The following SCAMP4 variants were observed in gnomAD, a reference collection of about 807,000 sequenced individuals.
SCAMP4 encodes secretory carrier membrane protein 4, also known as secretory carrier-associated membrane protein 4.
A neutral mutation model predicts 32.1 loss-of-function variants in SCAMP4; 19 were observed. The observed-to-expected ratio is 0.59, with a 90% CI of 0.41 to 0.87. SCAMP4 has a LOEUF of 0.87. Ranked by LOEUF, SCAMP4 falls within the 40% of genes least tolerant of loss-of-function variation. The pLI is 0.00. For missense variants in SCAMP4, 302 were observed against 309.0 expected, an observed-to-expected ratio of 0.98 and a Z score of 0.17; for synonymous variants, 152 against 132.7, an observed-to-expected ratio of 1.15 and a Z score of -1.00.
chr19:1,921,056 G>GC (rs1225727496), intron 5 of SCAMP4: 28 of 985,310 alleles, frequency 2.8e-5, no homozygotes, highest in Non-Finnish European at 3.4e-5. Flanking sequence ...GGAGAGCCCG[G>GC]CCCCCCTTGT....
chr19:1,918,449 T>C (rs2013808611), intron 4 of SCAMP4, among the ~76,000 whole-genome samples, 166 bp downstream of exon 4: 1 of 152,204 alleles, frequency 6.6e-6, no homozygotes, highest in South Asian at 2.1e-4. Context: ...AGCCAACTAC[T>C]GTCTGTTTTG....
At chr19:1,916,090 T>C (rs925866525) in intron 2 of SCAMP4, among the ~76,000 whole-genome samples, 1 of 151,570 alleles carries the variant, frequency 6.6e-6, no homozygotes, top group African/African-American at 2.4e-5. Flanking sequence ...CTAAAAATAT[T>C]AGCTGGGCAT....
At chr19:1,919,481 C>T (rs1024389690) in intron 5 of SCAMP4, 23 of 979,452 alleles carry the variant, frequency 2.3e-5, no homozygotes, top group Admixed American at 6.2e-5. Flanking sequence ...TAAATTTCTG[C>T]CTTTTTTCTT....
At chr19:1,917,986 G>A in intron 3 of SCAMP4, 141 bp from the exon 4 acceptor site, 1 of 1,354,746 alleles carries the variant, frequency 7.4e-7, no homozygotes, top group South Asian at 1.3e-5. Flanking sequence ...AGGCCCCAGT[G>A]TCTTGGCTTG....
At chr19:1,916,354 G>A (rs1407179816) in intron 2 of SCAMP4, among the ~76,000 whole-genome samples, 1 of 152,228 alleles carries the variant, frequency 6.6e-6, no homozygotes, top group Non-Finnish European at 1.5e-5. Context: ...CTGCTTGAGA[G>A]AGGCAGGAAG....
intron 1 of SCAMP4, chr19:1,911,983 C>G (rs1401669654): frequency 4.2e-6 from 6 of 1,411,958 alleles, no homozygotes; most frequent in Non-Finnish European, 5.5e-6. Context: ...CACGCCCTGC[C>G]TTGTGGAGCC....
chr19:1,912,209 G>A, intron 1 of SCAMP4: 1 of 1,590,992 alleles, frequency 6.3e-7, no homozygotes, highest in Non-Finnish European at 8.5e-7. Flanking sequence ...AGCAGTCAGG[G>A]GACGTGGAGC....
In SCAMP4 at chr19:1,924,666, C is replaced by T. The variant is rs1027067893; in HGVS notation, c.*382C>T. 4.2e-5 allele frequency: 11 copies of T among 264,640 alleles called. No homozygotes were observed. The highest frequency in any genetic ancestry group is 7.8e-5 in the East Asian group (1 of 12,764). 16.4% of individuals were successfully genotyped at this position (264,640 alleles called of 1,614,324 possible). ...CCTCCCGTCCTCCCAGAGCTGCTGG[C>T]GCTGAGGTCAGAGCGGGTCTGATGG... On this transcript the variant is annotated 3_prime_UTR_variant, in exon 7 of 7. Transcript: ENST00000316097.
Position 1,918,262 on chromosome 19 carries a change from G to A in SCAMP4, c.272G>A (p.Arg91Gln), listed in dbSNP as rs766830264. 25 of 1,606,098 alleles carry A rather than the reference G, an allele frequency of 1.6e-5. No homozygotes were observed. The East Asian group carries it at 1.8e-4, about 11-fold the overall frequency. Residue 91 changes from arginine to glutamine, a missense_variant, in exon 4 of 7, where the codon CGG (arginine) becomes CAG (glutamine). Arg to Gln is a conservative substitution (Grantham distance 43). Transcript: ENST00000316097. ...CCTTGCGGCTACGTGTGCTGGTTCC[G>A]GCCTGTCTACAAGGCCTTCCGGTGA... Reference protein sequence around the residue: ...FTPCGYVCWFRPVYKAFRADS... With the variant: ...FTPCGYVCWFQPVYKAFRADS...
At chr19:1,907,353 T>TC (rs1258505391) in intron 1 of SCAMP4, among the ~76,000 whole-genome samples, 12 of 133,724 alleles carry the variant, frequency 9.0e-5, no homozygotes, top group Admixed American at 7.0e-4. Context: ...GGCCCCTCCA[T>TC]CCCCCCATTT....
chr19:1,924,504 TG>T lies in SCAMP4; in HGVS notation c.*222del. The T allele has an allele frequency of 1.7e-6, 1 of 576,378 alleles. No individual in the cohort carries two copies. Among genetic ancestry groups the T allele is most frequent in the Non-Finnish European group, 3.1e-6 (1 of 320,250 alleles). 35.7% of individuals were successfully genotyped at this position (576,378 alleles called of 1,614,324 possible). A position where few individuals can be genotyped will look rare whatever the true frequency, so the allele number is the denominator to read the frequency against. On this transcript the variant is annotated 3_prime_UTR_variant, in exon 7 of 7. Coordinates refer to ENST00000316097, the MANE Select transcript of SCAMP4 (RefSeq NM_079834.4). ...CTCACAAGCACTCCCCAGCAGCCCT[TG>T]GCCTCTGCCGTCCACAGGACGCCCT...
intron 5 of SCAMP4, chr19:1,919,195 T>C (rs2013838376): frequency 7.1e-7 from 1 of 1,417,608 alleles, no homozygotes; most frequent in Non-Finnish European, 9.2e-7. Flanking sequence ...GGTTCGCGAT[T>C]GTAGGCACTC....
At chr19:1,913,288 G>GAAGGCAGCACCC in intron 1 of SCAMP4, 3 of 1,286,048 alleles carry the variant, frequency 2.3e-6, no homozygotes, top group Non-Finnish European at 3.1e-6. Context: ...GGGGAGCACG[G>GAAGGCAGCACCC]GTGCTGCCTT....
rs565208694 is a variant in SCAMP4, at chr19:1,920,223, C to T, written c.395+1233C>T. 1.4e-5 allele frequency: 14 copies of T among 985,474 alleles called. No homozygotes were observed. In the Admixed American group the frequency reaches 3.1e-4, roughly 22 times the overall value. The allele number at this position is 985,474 out of a possible 1,614,324, so 61.0% of individuals were successfully genotyped here. A position where few individuals can be genotyped will look rare whatever the true frequency, so the allele number is the denominator to read the frequency against. On this transcript the variant is annotated intron_variant, in intron 5 of 6. Transcript: ENST00000316097. The stretch of plus-strand genomic sequence containing the variant: ...CGACGTGTCTCCCTTGTCCTTGGCA[C>T]GGCGGGAGCTCCCCACGGGTGACGC...
chr19:1,923,768 G>A lies in SCAMP4; in HGVS notation c.514-340G>A, dbSNP rs186666573. On this transcript the variant is annotated intron_variant, in intron 6 of 6. Transcript: ENST00000316097. The stretch of plus-strand genomic sequence containing the variant: ...CGAGTAGCTGGGACTACAGGCGCCC[G>A]CTACCGCACCTGGCTAATTATTTTG... Among the ~76,000 whole-genome samples, 34 of 147,976 alleles carry A rather than the reference G, an allele frequency of 2.3e-4. 2 individuals carry two copies. Among genetic ancestry groups the A allele is most frequent in the Admixed American group, 6.3e-4 (9 of 14,336 alleles).
intron 5 of SCAMP4, chr19:1,922,432 A>G (rs957847567): frequency 5.1e-5 from 37 of 720,294 alleles, no homozygotes; most frequent in Non-Finnish European, 6.1e-5. Flanking sequence ...ACGGGGTTTC[A>G]CCTTGTTGGT....
At chr19:1,916,855 G>A (rs4807166) in intron 2 of SCAMP4, among the ~76,000 whole-genome samples, 65,155 of 152,176 alleles carry the variant, frequency 0.43, 17,333 homozygotes, top group Non-Finnish European at 0.61. Context: ...CGCAGTGTGC[G>A]GACTCGGCCT....
intron 2 of SCAMP4, chr19:1,915,673 A>G (rs912475649): frequency 6.5e-5 from 10 of 153,736 alleles, no homozygotes; most frequent in Non-Finnish European, 1.4e-4. Context: ...GAGGCCGGGC[A>G]CGGTGGCTCA....
At position 1,923,187 on chromosome 19, in the gene SCAMP4, G is replaced by A; in HGVS notation, c.513G>A (p.Lys171=). ...CCATGATGGCCATCGCGATCATGAA[G>A]GTGAGTCCTCGGCTTTGTGACGTCC... ...SAAMMAIAIM[K]VHRIYRGAGG... The change falls in exon 6 of 7, where the codon AAG becomes AAA. Residue 171 remains lysine, a splice_region_variant and synonymous_variant. Transcript: ENST00000316097. 4 of 1,548,578 alleles carry A rather than the reference G, an allele frequency of 2.6e-6. No homozygotes were observed. Among genetic ancestry groups the A allele is most frequent in the Non-Finnish European group, 3.5e-6 (4 of 1,145,074 alleles).
Sources: allele counts gnomAD v4.1 joint callset (sites outside exome capture counted in the v4.1 genomes callset), GRCh38; gene constraint gnomAD v4.1.1; transcripts MANE v1.5; gene names NCBI Gene and HGNC (gene_info 2026-07-23, HGNC 2026-07-21).